The following RBKS variants were observed in gnomAD, a reference collection of about 807,000 sequenced individuals.
RBKS encodes the protein ribokinase.
Under a neutral mutation model 33.9 loss-of-function variants are expected in RBKS, and 33 were observed. The ratio of observed to expected loss-of-function variants is 0.97; its 90% CI spans 0.74 to 1.30. The LOEUF (loss-of-function observed/expected upper bound fraction) is 1.30, where lower values mean the gene tolerates loss of function less well. RBKS is among the 50% of genes most tolerant of loss of function. The pLI is 0.00. For synonymous variants in RBKS, 125 were observed against 143.0 expected (o/e 0.87, Z 0.90); for missense variants, 361 against 392.6 (o/e 0.92, Z 0.68).
intron 1 of RBKS, among the ~76,000 whole-genome samples, chr2:27,861,836 G>T (rs1238841992): frequency 6.6e-6 from 1 of 151,798 alleles, no homozygotes; most frequent in Non-Finnish European, 1.5e-5. Flanking sequence ...TGTATTTTTA[G>T]TAGAGATAGG....
At chr2:27,782,513 A>T (rs1015517456) in intron 7 of RBKS, 1 of 379,298 alleles carries the variant, frequency 2.6e-6, no homozygotes, top group Non-Finnish European at 5.9e-6. Flanking sequence ...TTTTGAGGAG[A>T]ACTGGTTATG....
At chr2:27,808,646 C>T (rs773703067) in intron 7 of RBKS, among the ~76,000 whole-genome samples, 31 of 152,166 alleles carry the variant, frequency 2.0e-4, no homozygotes, top group Non-Finnish European at 3.1e-4. Context: ...GGGGCCTGAC[C>T]GTGTCTCAGG....
Position 27,837,228 on chromosome 2 carries a change from C to A in RBKS, c.515-4451G>T, listed in dbSNP as rs372813318. Among the ~76,000 whole-genome samples the A allele has an allele frequency of 6.6e-6, 1 of 151,936 alleles. No individual in the cohort carries two copies. The highest frequency in any genetic ancestry group is 1.5e-5 in the Non-Finnish European group (1 of 68,014). On this transcript the variant is annotated intron_variant, in intron 5 of 7. Transcript: ENST00000302188. The surrounding 1 kb of genome is among the most constrained non-coding windows in gnomAD (Gnocchi z 4.0). ...GGTGGAGCTTGCAGTGAGCCGAGAT[C>A]GTGCCACTGCACTCCAGCCTGGGCG...
chr2:27,840,017 CTTCTT>C (rs1211568553), intron 5 of RBKS, among the ~76,000 whole-genome samples: 2 of 148,610 alleles, frequency 1.3e-5, no homozygotes, highest in African/African-American at 5.1e-5. Context: ...TACCACTCTT[CTTCTT>C]TTTTTTTTTT....
At chr2:27,820,548 AT>A (rs1678180520) in intron 7 of RBKS, among the ~76,000 whole-genome samples, 1 of 121,790 alleles carries the variant, frequency 8.2e-6, no homozygotes, top group Non-Finnish European at 1.6e-5. Flanking sequence ...GAGATTTACT[AT>A]TCTCTCTCTC....
At chr2:27,861,662 T>TTG in intron 1 of RBKS, 2 of 321,204 alleles carry the variant, frequency 6.2e-6, no homozygotes, top group South Asian at 2.2e-5. Flanking sequence ...CCATTTCTTT[T>TTG]TGGGGGGGGG....
chr2:27,793,527 T>G (rs549869476), intron 7 of RBKS, among the ~76,000 whole-genome samples: 1 of 152,326 alleles, frequency 6.6e-6, no homozygotes, highest in East Asian at 1.9e-4. Context: ...CTCAAATGCG[T>G]AAGACAGACC....
In RBKS at chr2:27,815,564, A is replaced by G. The variant is rs571445698; in HGVS notation, c.795+12003T>C. Among the ~76,000 whole-genome samples the G allele has an allele frequency of 1.5e-3, 233 of 152,294 alleles. 3 individuals carry two copies. The highest frequency in any genetic ancestry group is 9.0e-4 in the Non-Finnish European group (61 of 68,022). ...CTAGAAACATTGTCACTCAATGGAA[A>G]CCACTAAGAAAATCTTTTGTGTTGT... On this transcript the variant is annotated intron_variant, in intron 7 of 7. Coordinates refer to ENST00000302188, the MANE Select transcript of RBKS (RefSeq NM_022128.3).
At chr2:27,879,950 A>G (rs1664386902) in intron 1 of RBKS, among the ~76,000 whole-genome samples, 1 of 152,170 alleles carries the variant, frequency 6.6e-6, no homozygotes, top group South Asian at 2.1e-4. Context: ...AAACTATTCC[A>G]AAAAACTGAG....
At chr2:27,842,654 G>C (rs1176573819) in intron 5 of RBKS, among the ~76,000 whole-genome samples, 4 of 151,716 alleles carry the variant, frequency 2.6e-5, no homozygotes, top group Non-Finnish European at 5.9e-5. Context: ...GCTGATTCAG[G>C]AATTCTTTTT....
chr2:27,796,349 A>G (rs903146188), intron 7 of RBKS, among the ~76,000 whole-genome samples: 2 of 152,206 alleles, frequency 1.3e-5, no homozygotes, highest in African/African-American at 4.8e-5. Flanking sequence ...TCATTGATAC[A>G]ACATGATGGT....
At chr2:27,789,986 T>TAG (rs368946256) in intron 7 of RBKS, among the ~76,000 whole-genome samples, 4,887 of 130,796 alleles carry the variant, frequency 0.037, 121 homozygotes, top group African/African-American at 0.069. Flanking sequence ...TATATATATG[T>TAG]AGAGAGAGAG....
intron 1 of RBKS, among the ~76,000 whole-genome samples, chr2:27,866,382 A>G (rs1469674868): frequency 2.0e-5 from 3 of 152,160 alleles, no homozygotes; most frequent in South Asian, 2.1e-4. Context: ...TTTGATCACA[A>G]TGTGCTCTGA....
intron 7 of RBKS, chr2:27,782,764 C>T (rs1677313298): frequency 6.5e-6 from 2 of 308,560 alleles, no homozygotes; most frequent in Admixed American, 3.9e-5. Flanking sequence ...CTCTTTGTTT[C>T]TTTAATTTTA....
chr2:27,882,688 C>A (rs1225255248), intron 1 of RBKS, among the ~76,000 whole-genome samples: 1 of 152,142 alleles, frequency 6.6e-6, no homozygotes, highest in Non-Finnish European at 1.5e-5. Context: ...AAATGCCCAT[C>A]AATGGTAGAC....
rs565750291 is a variant in RBKS at position 27,811,574 on chromosome 2, T to C, written c.795+15993A>G. Among the ~76,000 whole-genome samples the C allele has an allele frequency of 2.8e-4, 43 of 152,320 alleles. No homozygotes were observed. The South Asian group carries it at 7.1e-3, about 25-fold the overall frequency. ...GAGGACCTTGACTGTGATCACTGCC[T>C]GTGAAGAAACCCAATTTAGGCTTCT... On this transcript the variant is annotated intron_variant, in intron 7 of 7. Coordinates refer to ENST00000302188, the MANE Select transcript of RBKS (RefSeq NM_022128.3).
intron 7 of RBKS, among the ~76,000 whole-genome samples, chr2:27,801,515 C>A (rs1041001441): frequency 7.6e-6 from 1 of 132,380 alleles, no homozygotes; most frequent in African/African-American, 2.8e-5. Flanking sequence ...ACAAGCGGTC[C>A]CAACTTATGA....
intron 1 of RBKS, among the ~76,000 whole-genome samples, chr2:27,872,405 G>A (rs1449096552): frequency 6.6e-6 from 1 of 152,064 alleles, no homozygotes; most frequent in Non-Finnish European, 1.5e-5. Context: ...GGTATGCGCT[G>A]TTTATGAGAC....
At chr2:27,887,405 T>A (rs1177289293) in intron 1 of RBKS, among the ~76,000 whole-genome samples, 1 of 152,194 alleles carries the variant, frequency 6.6e-6, no homozygotes, top group African/African-American at 2.4e-5. Context: ...AGTAAAAAAA[T>A]AAACTTGCGT....
Sources: gnomAD v4.1 joint callset for allele counts (sites outside exome capture counted in the v4.1 genomes callset) on GRCh38, gnomAD v4.1.1 for gene constraint, Gnocchi (gnomAD v3.1) non-coding constraint, MANE v1.5 for transcripts, NCBI Gene and HGNC (gene_info 2026-07-23, HGNC 2026-07-21) for gene names.